Variants in OR56A3 observed in about 807,000 individuals in gnomAD.
The protein encoded by OR56A3 is olfactory receptor 56A3.
OR56A3 carries 23 observed loss-of-function variants against 17.5 expected under a neutral mutation model. The observed-to-expected ratio is 1.32, with a 90% CI of 0.95 to 1.87. OR56A3 has a LOEUF of 1.87. Among genes scored for constraint, OR56A3 ranks in the 40% most tolerant of loss-of-function variants. The probability of loss-of-function intolerance (pLI) is 0.00; values close to 1 mark genes in which losing one functional copy is unlikely to be tolerated. For missense variants in OR56A3, 366 were observed against 380.1 expected (o/e 0.96, Z 0.31); for synonymous variants, 175 against 150.6 (o/e 1.16, Z -1.19).
Position 5,947,857 on chromosome 11 carries a change from C to T in OR56A3, c.511C>T (p.Arg171Cys), listed in dbSNP as rs374842307. The T allele has an allele frequency of 6.2e-5, 100 of 1,614,178 alleles. No homozygotes were observed. The highest frequency in any genetic ancestry group is 6.1e-4 in the African/African-American group (46 of 75,044). ...CATCCCCATCCTTTCAGCACAACTC[C>T]GTTATTGTGGAAGAAATGTCATTGA... ...LPIPILSAQLRYCGRNVIENC... is the reference protein window; with the variant it reads ...LPIPILSAQLCYCGRNVIENC... Residue 171 changes from arginine (R) to cysteine (C), a missense_variant, in exon 3 of 3, where the codon CGT becomes TGT. By Grantham distance (180) the Arg-to-Cys change is radical. Coordinates refer to ENST00000641160, the MANE Select transcript of OR56A3 (RefSeq NM_001003443.3).
chr11:5,986,539 C>G, the OR56A3 span: 1 of 1,613,928 alleles, frequency 6.2e-7, no homozygotes, highest in East Asian at 2.2e-5. Flanking sequence ...CACAAGTACC[C>G]CTGACTCCAT....
the OR56A3 span, among the ~76,000 whole-genome samples, chr11:6,007,657 G>T: frequency 6.6e-6 from 1 of 152,146 alleles, no homozygotes; most frequent in East Asian, 1.9e-4. Context: ...GAAAAAAAAA[G>T]TGTAAGGAAA....
At chr11:5,982,232 C>T in the OR56A3 span, among the ~76,000 whole-genome samples, 4 of 152,152 alleles carry the variant, frequency 2.6e-5, no homozygotes, top group Non-Finnish European at 5.9e-5. Context: ...AGTTTAATGG[C>T]ATAGTGGGGT....
chr11:5,968,155 C>T, the OR56A3 span: 1 of 1,614,156 alleles, frequency 6.2e-7, no homozygotes, highest in Non-Finnish European at 8.5e-7. Flanking sequence ...GTGCAGGACT[C>T]CATAGTCAGA....
chr11:5,955,062 G>A (rs1369172404), downstream of OR56A3, among the ~76,000 whole-genome samples: 1 of 152,158 alleles, frequency 6.6e-6, no homozygotes, highest in Non-Finnish European at 1.5e-5. Context: ...AATGATTAAT[G>A]GGGACCTTAA....
At chr11:5,994,697 T>C in the OR56A3 span, 2 of 827,226 alleles carry the variant, frequency 2.4e-6, no homozygotes, top group South Asian at 1.3e-5. Context: ...AAGACGGGCA[T>C]TGTCGATTTG....
At chr11:6,018,049 T>C in the OR56A3 span, among the ~76,000 whole-genome samples, 1 of 151,756 alleles carries the variant, frequency 6.6e-6, no homozygotes, top group Non-Finnish European at 1.5e-5. Context: ...TGTATATATA[T>C]ATATATATAT....
the OR56A3 span, chr11:5,995,142 G>C: frequency 1.9e-5 from 11 of 575,064 alleles, no homozygotes; most frequent in East Asian, 2.5e-4. Flanking sequence ...AGAAGGTGGA[G>C]TGAGTGGTGA....
the OR56A3 span, among the ~76,000 whole-genome samples, chr11:5,997,961 G>T: frequency 6.6e-6 from 1 of 152,052 alleles, no homozygotes; most frequent in African/African-American, 2.4e-5. Flanking sequence ...CACTGGACAG[G>T]TATAAGATTT....
the OR56A3 span, among the ~76,000 whole-genome samples, chr11:6,005,989 T>G: frequency 6.6e-6 from 1 of 152,124 alleles, no homozygotes. Flanking sequence ...GAGTCCCAAA[T>G]AGTTCAAAGG....
downstream of OR56A3, among the ~76,000 whole-genome samples, chr11:5,952,991 T>C (rs1307333764): frequency 3.3e-5 from 5 of 152,216 alleles, no homozygotes; most frequent in African/African-American, 1.2e-4. Context: ...ATTTCATTCT[T>C]TTCTATGGCT....
chr11:5,960,385 G>A, the OR56A3 span, among the ~76,000 whole-genome samples: 20 of 152,100 alleles, frequency 1.3e-4, no homozygotes, highest in East Asian at 7.7e-4. Flanking sequence ...TCAGCCTGCC[G>A]AGTGCCTGGG....
the OR56A3 span, among the ~76,000 whole-genome samples, chr11:5,990,790 T>C: frequency 9.9e-5 from 15 of 152,158 alleles, no homozygotes; most frequent in African/African-American, 2.7e-4. Context: ...GCACTGTCCT[T>C]CTGGTCTCTG....
At chr11:5,951,689 G>T (rs1847909048), downstream of OR56A3, among the ~76,000 whole-genome samples, 1 of 152,184 alleles carries the variant, frequency 6.6e-6, no homozygotes, top group Non-Finnish European at 1.5e-5. Context: ...AACACAGACA[G>T]AGGATGGCAG....
chr11:5,972,673 G>C, the OR56A3 span, among the ~76,000 whole-genome samples: 1 of 152,234 alleles, frequency 6.6e-6, no homozygotes, highest in Non-Finnish European at 1.5e-5. Flanking sequence ...ATGAGAGCCA[G>C]GCTGGAGTGC....
the OR56A3 span, among the ~76,000 whole-genome samples, chr11:6,013,622 ACT>A: frequency 6.6e-6 from 1 of 152,028 alleles, no homozygotes; most frequent in South Asian, 2.1e-4. Context: ...GGATCAACCC[ACT>A]CTGTCTTCTG....
the OR56A3 span, among the ~76,000 whole-genome samples, chr11:5,980,894 G>A: frequency 5.9e-5 from 9 of 152,014 alleles, no homozygotes; most frequent in Non-Finnish European, 1.3e-4. Context: ...TGTGTAAAAA[G>A]GATTTTATTT....
the OR56A3 span, chr11:5,986,117 G>A: frequency 1.2e-6 from 2 of 1,613,946 alleles, no homozygotes; most frequent in Non-Finnish European, 8.5e-7. Flanking sequence ...AAAATTCCAG[G>A]GACATAGAAG....
chr11:6,003,085 A>G, the OR56A3 span: 1 of 1,609,100 alleles, frequency 6.2e-7, no homozygotes, highest in Non-Finnish European at 8.5e-7. Context: ...GACGTAGTAG[A>G]GTGTGGGTTT....
Sources: allele counts gnomAD v4.1 joint callset (sites outside exome capture counted in the v4.1 genomes callset), GRCh38; gene constraint gnomAD v4.1.1; transcripts MANE v1.5; gene names NCBI Gene and HGNC (gene_info 2026-07-23, HGNC 2026-07-21).